The following GABRB3 variants were observed in gnomAD, a reference collection of about 807,000 sequenced individuals.
The protein encoded by GABRB3 is gamma-aminobutyric acid receptor subunit beta-3.
A neutral mutation model predicts 52.1 loss-of-function variants in GABRB3; 14 were observed. The ratio of observed to expected loss-of-function variants is 0.27; its 90% CI spans 0.18 to 0.42. GABRB3 has a LOEUF of 0.42. Among genes scored for constraint, GABRB3 ranks in the 10% least tolerant of loss-of-function variants. The pLI, the probability that GABRB3 is intolerant of heterozygous loss-of-function variation, is 1.00. For synonymous variants in GABRB3, 260 were observed against 232.3 expected (o/e 1.12, Z -1.08); for missense variants, 307 against 609.1 (o/e 0.50, Z 5.22).
chr15:26,669,877 T>A (rs1372871389), intron 3 of GABRB3, among the ~76,000 whole-genome samples: 1 of 152,234 alleles, frequency 6.6e-6, no homozygotes, highest in East Asian at 1.9e-4. Flanking sequence ...CAAGTTAACC[T>A]TTCCTGTGAT....
chr15:26,750,464 A>G (rs1890472263), intron 3 of GABRB3, among the ~76,000 whole-genome samples: 1 of 152,188 alleles, frequency 6.6e-6, no homozygotes, highest in Non-Finnish European at 1.5e-5. Flanking sequence ...TTTGTTAGGA[A>G]AGCATAAATT....
chr15:26,619,818 T>C (rs1363855021), intron 4 of GABRB3, among the ~76,000 whole-genome samples: 1 of 151,842 alleles, frequency 6.6e-6, no homozygotes, highest in Non-Finnish European at 1.5e-5. Context: ...CACACACATG[T>C]GCACACACCT....
intron 3 of GABRB3, among the ~76,000 whole-genome samples, chr15:26,693,623 A>G (rs935480314): frequency 3.3e-5 from 5 of 152,184 alleles, no homozygotes; most frequent in Non-Finnish European, 5.9e-5. Context: ...AGCTGAACAA[A>G]CAAAACAAAA....
chr15:26,594,333 C>G (rs775114376), intron 4 of GABRB3, among the ~76,000 whole-genome samples: 2 of 151,994 alleles, frequency 1.3e-5, no homozygotes, highest in African/African-American at 2.4e-5. Flanking sequence ...CTCTGAAAAT[C>G]AGATTCTTTC....
chr15:26,649,505 T>C (rs552681833), intron 3 of GABRB3, among the ~76,000 whole-genome samples: 1 of 152,248 alleles, frequency 6.6e-6, no homozygotes, highest in South Asian at 2.1e-4. Flanking sequence ...TGGTATTCTG[T>C]TATAGCAGCA....
chr15:26,584,894 T>C (rs761527557), intron 4 of GABRB3, among the ~76,000 whole-genome samples: 3 of 152,202 alleles, frequency 2.0e-5, no homozygotes, highest in Non-Finnish European at 4.4e-5. Flanking sequence ...ATACATGACA[T>C]GGCCTGAGTT....
chr15:26,585,172 T>A (rs1346422668), intron 4 of GABRB3, among the ~76,000 whole-genome samples: 3 of 152,202 alleles, frequency 2.0e-5, no homozygotes, highest in African/African-American at 7.2e-5. Context: ...TCTGAAAGCC[T>A]GTGCAGGAGT....
chr15:26,720,484 C>T lies in GABRB3; in HGVS notation c.240+51918G>A, dbSNP rs528403202. On this transcript the variant is annotated intron_variant, in intron 3 of 8. Coordinates refer to ENST00000311550, the MANE Select transcript of GABRB3 (RefSeq NM_000814.6). ...TCAAAGGTGCTGTGACTTAGGAAGA[C>T]GAGACTGGGGCAAGCAGGCATCATT... is the stretch of plus-strand genomic sequence containing the variant. Among the ~76,000 whole-genome samples, 8 of 152,230 alleles carry T rather than the reference C, an allele frequency of 5.3e-5. No individual in the cohort carries two copies. The East Asian group carries it at 9.7e-4, about 18-fold the overall frequency.
chr15:26,629,062 C>A (rs1233362331), intron 3 of GABRB3: 20 of 1,535,972 alleles, frequency 1.3e-5, no homozygotes, highest in Admixed American at 2.0e-5. Context: ...CTCCGAGAGC[C>A]TCCGCCACGC....
At chr15:26,709,245 C>A (rs537373272) in intron 3 of GABRB3, among the ~76,000 whole-genome samples, 1 of 152,154 alleles carries the variant, frequency 6.6e-6, no homozygotes, top group African/African-American at 2.4e-5. Context: ...CTGGGTCATG[C>A]GGGTGGAGAC....
chr15:26,673,679 T>C (rs2140635346), intron 3 of GABRB3, among the ~76,000 whole-genome samples: 1 of 152,262 alleles, frequency 6.6e-6, no homozygotes, highest in African/African-American at 2.4e-5. Flanking sequence ...ACTACGTGCA[T>C]CACAAGACAA....
At chr15:26,720,178 G>T in intron 3 of GABRB3, among the ~76,000 whole-genome samples, 1 of 148,314 alleles carries the variant, frequency 6.7e-6, no homozygotes, top group Non-Finnish European at 1.5e-5. Context: ...CCCTTTGACT[G>T]TAATTTTCCT....
intron 3 of GABRB3, among the ~76,000 whole-genome samples, chr15:26,622,617 G>C (rs577825553): frequency 6.6e-6 from 1 of 152,218 alleles, no homozygotes; most frequent in East Asian, 1.9e-4. Context: ...GAGAGATGGA[G>C]AGCAAATCGG....
At chr15:26,674,417 A>AAAAAG (rs1887999593) in intron 3 of GABRB3, among the ~76,000 whole-genome samples, 2 of 97,950 alleles carry the variant, frequency 2.0e-5, no homozygotes, top group African/African-American at 4.5e-5. Context: ...AAAAAAAAAA[A>AAAAAG]AAAAGAAAAG....
intron 4 of GABRB3, among the ~76,000 whole-genome samples, chr15:26,611,356 G>T (rs1048029979): frequency 1.3e-5 from 2 of 152,112 alleles, no homozygotes; most frequent in African/African-American, 4.8e-5. Context: ...ATTATAGAAT[G>T]GTTCTCATAT....
intron 3 of GABRB3, among the ~76,000 whole-genome samples, chr15:26,717,332 A>T (rs1889523022): frequency 1.3e-5 from 2 of 151,792 alleles, no homozygotes; most frequent in Non-Finnish European, 2.9e-5. Flanking sequence ...AGCTCTGGGG[A>T]CCTCCACCCA....
At chr15:26,717,630 G>C (rs1566817404) in intron 3 of GABRB3, among the ~76,000 whole-genome samples, 1 of 152,098 alleles carries the variant, frequency 6.6e-6, no homozygotes, top group South Asian at 2.1e-4. Flanking sequence ...TCTGATAATT[G>C]GATGGAATCT....
intron 3 of GABRB3, among the ~76,000 whole-genome samples, chr15:26,720,841 T>C (rs577058724): frequency 6.6e-6 from 1 of 152,262 alleles, no homozygotes; most frequent in South Asian, 2.1e-4. Context: ...ATGGAACCTA[T>C]ATTCTAGTGA....
chr15:26,747,019 T>C lies in GABRB3; in HGVS notation c.240+25383A>G, dbSNP rs12905535. ...ATAAACAAACAAACAAACAAACAAA[T>C]AATCAGTTGGGCATATTTGTGTGGG... On this transcript the variant is annotated intron_variant, in intron 3 of 8. Coordinates refer to ENST00000311550, the MANE Select transcript of GABRB3 (RefSeq NM_000814.6). 5.7e-4 allele frequency among the ~76,000 whole-genome samples: 49 copies of C among 86,146 alleles called. 1 individual carries two copies. The South Asian group carries it at 7.8e-3, about 14-fold the overall frequency. The allele number at this position is 86,146 out of a possible 152,430, so 56.5% of individuals were successfully genotyped here. A position where few individuals can be genotyped will look rare whatever the true frequency, so the allele number is the denominator to read the frequency against.
Sources: allele counts gnomAD v4.1 joint callset (sites outside exome capture counted in the v4.1 genomes callset), GRCh38; gene constraint gnomAD v4.1.1; transcripts MANE v1.5; gene names NCBI Gene and HGNC (gene_info 2026-07-23, HGNC 2026-07-21).